PRDM16: variants seen among roughly 807,000 people sequenced by gnomAD.
PRDM16 encodes PR/SET domain 16.
A neutral mutation model predicts 110.6 loss-of-function variants in PRDM16; 23 were observed. The observed-to-expected ratio is 0.21, with a 90% CI of 0.15 to 0.29. PRDM16 has a LOEUF of 0.29. PRDM16 is among the 10% of genes least tolerant of loss of function. The pLI is 1.00. For synonymous variants in PRDM16, 799 were observed against 781.8 expected, an observed-to-expected ratio of 1.02 and a Z score of -0.37; for missense variants, 1,615 against 1,794.3, an observed-to-expected ratio of 0.90 and a Z score of 1.81.
chr1:3,070,013 G>A (rs1641708923), intron 1 of PRDM16, among the ~76,000 whole-genome samples: 1 of 151,934 alleles, frequency 6.6e-6, no homozygotes, highest in African/African-American at 2.4e-5. Flanking sequence ...GTGGTGGAGG[G>A]CGCTCCTCTG....
chr1:3,180,994 ACG>A (rs1644150540), intron 1 of PRDM16, among the ~76,000 whole-genome samples: 6 of 136,912 alleles, frequency 4.4e-5, no homozygotes, highest in East Asian at 4.3e-4. Context: ...AGTCTTACAC[ACG>A]ATCTTACACG....
intron 3 of PRDM16, among the ~76,000 whole-genome samples, chr1:3,272,784 G>T (rs1219515713): frequency 1.3e-5 from 2 of 151,976 alleles, no homozygotes; most frequent in Non-Finnish European, 2.9e-5. Flanking sequence ...AGGTGGGCGA[G>T]GCCGAGCCCA....
intron 2 of PRDM16, among the ~76,000 whole-genome samples, chr1:3,239,293 G>C (rs1639608752): frequency 6.6e-6 from 1 of 152,216 alleles, no homozygotes; most frequent in Non-Finnish European, 1.5e-5. Flanking sequence ...CAGGGGCACT[G>C]TTTAGTTGGG....
chr1:3,170,822 C>G (rs1294373039), intron 1 of PRDM16, among the ~76,000 whole-genome samples: 1 of 152,252 alleles, frequency 6.6e-6, no homozygotes, highest in African/African-American at 2.4e-5. Flanking sequence ...ATGCAAACCC[C>G]CAGTTTTCAT....
At chr1:3,400,175 C>G (rs1643443879) in intron 5 of PRDM16, among the ~76,000 whole-genome samples, 1 of 152,246 alleles carries the variant, frequency 6.6e-6, no homozygotes, top group African/African-American at 2.4e-5. Flanking sequence ...GCCCACTGCT[C>G]CACCTCTTCC....
intron 1 of PRDM16, among the ~76,000 whole-genome samples, chr1:3,104,689 C>G (rs1229983545): frequency 5.5e-5 from 8 of 145,120 alleles, no homozygotes. Context: ...TGGCAGGCCC[C>G]TCTGGGCTAC....
intron 3 of PRDM16, among the ~76,000 whole-genome samples, chr1:3,369,788 G>A (rs61653552): frequency 0.029 from 4,375 of 152,276 alleles, 191 homozygotes; most frequent in African/African-American, 0.096. Context: ...CTATTTGCAG[G>A]GCATCCAAAG....
At chr1:3,181,565 C>CTTACACAT (rs1644190408) in intron 1 of PRDM16, among the ~76,000 whole-genome samples, 1 of 33,930 alleles carries the variant, frequency 2.9e-5, no homozygotes, top group Non-Finnish European at 6.3e-5. Context: ...GTCTTACACA[C>CTTACACAT]GCAGTCTTAC....
intron 1 of PRDM16, among the ~76,000 whole-genome samples, chr1:3,101,859 C>G (rs1004714380): frequency 6.6e-6 from 1 of 152,182 alleles, no homozygotes; most frequent in Non-Finnish European, 1.5e-5. Flanking sequence ...GTTCTTGTCT[C>G]CCCCACCCGG....
At chr1:3,289,150 G>T (rs982910390) in intron 3 of PRDM16, among the ~76,000 whole-genome samples, 1 of 152,214 alleles carries the variant, frequency 6.6e-6, no homozygotes, top group African/African-American at 2.4e-5. Context: ...CAGGGCTCAG[G>T]TGGGAACACC....
chr1:3,197,243 C>T (rs919195590), intron 2 of PRDM16, among the ~76,000 whole-genome samples: 1 of 152,164 alleles, frequency 6.6e-6, no homozygotes, highest in Non-Finnish European at 1.5e-5. Context: ...TGGGTGGACC[C>T]AGGACAAGAG....
rs981777423 is a variant in PRDM16 at position 3,411,718 on chromosome 1, C to G, written c.1521C>G (p.Phe507Leu). The G allele has an allele frequency of 1.9e-6, 3 of 1,611,210 alleles. No homozygotes were observed. Among genetic ancestry groups the G allele is most frequent in the African/African-American group, 2.7e-5 (2 of 74,900 alleles). Residue 507 changes from phenylalanine to leucine, a missense_variant, in exon 9 of 17, where the codon TTC (phenylalanine) becomes TTG (leucine). Transcript: ENST00000270722. ...CCTTCTCCACGGCGCCTCCCACGTTCCCCGCACTCACCCCCGGCTTCCCGG... is the reference window on the plus strand; with the variant it reads ...CCTTCTCCACGGCGCCTCCCACGTTGCCCGCACTCACCCCCGGCTTCCCGG... ...SLPFSTAPPTFPALTPGFPGI... is the reference protein window; with the variant it reads ...SLPFSTAPPTLPALTPGFPGI...
At position 3,237,104 on chromosome 1, in the gene PRDM16, C is replaced by T. The variant is rs971744537; in HGVS notation, c.388-6983C>T. On this transcript the variant is annotated intron_variant, in intron 2 of 16. Transcript: ENST00000270722. ...TGAGGAGGGAGACCCCTTGGGGGCC[C>T]GTGCACACAGGAAGCCACCCTTCCT... 2.6e-5 allele frequency among the ~76,000 whole-genome samples: 4 copies of T among 152,084 alleles called. No individual in the cohort carries two copies. The East Asian group carries it at 5.8e-4, about 22-fold the overall frequency.
intron 1 of PRDM16, among the ~76,000 whole-genome samples, chr1:3,182,270 C>T (rs1177202437): frequency 2.6e-5 from 4 of 152,366 alleles, no homozygotes; most frequent in East Asian, 1.9e-4. Flanking sequence ...GACACAGAGC[C>T]GCTCGGCGCT....
chr1:3,396,181 T>C (rs1163171065), intron 4 of PRDM16: 2 of 444,800 alleles, frequency 4.5e-6, no homozygotes, highest in Non-Finnish European at 8.7e-6. Context: ...GGTGGGCTCT[T>C]GGTGGAAGCG....
At chr1:3,188,066 A>G (rs10752733) in intron 2 of PRDM16, among the ~76,000 whole-genome samples, 122,290 of 152,154 alleles carry the variant, frequency 0.8, 49,806 homozygotes, top group Middle Eastern at 0.87. Context: ...CGAAGACCTC[A>G]GTGGAGACAC....
chr1:3,360,264 A>C lies in PRDM16; in HGVS notation c.439-24888A>C, dbSNP rs1269951133. ...GACCAGTCCCCTCTAGAAGCAGCGG[A>C]GTCTTCTGGAGCCTGTGCTGGCTCT... On this transcript the variant is annotated intron_variant, in intron 3 of 16. Transcript: ENST00000270722. Among the ~76,000 whole-genome samples, 7 of 152,258 alleles carry C rather than the reference A, an allele frequency of 4.6e-5. No individual in the cohort carries two copies. The East Asian group carries it at 1.4e-3, about 29-fold the overall frequency.
At chr1:3,351,644 A>ATC (rs772054159) in intron 3 of PRDM16, among the ~76,000 whole-genome samples, 12 of 1,706 alleles carry the variant, frequency 7.0e-3, no homozygotes, top group East Asian at 0.037. Context: ...CTCTCTCTCC[A>ATC]TCTCTCTCTC....
At chr1:3,391,179 G>C (rs1254527957) in intron 4 of PRDM16, among the ~76,000 whole-genome samples, 1 of 152,116 alleles carries the variant, frequency 6.6e-6, no homozygotes, top group Non-Finnish European at 1.5e-5. Context: ...TTGTTAATTT[G>C]GTTAAGGCAG....
Sources: allele counts gnomAD v4.1 joint callset (sites outside exome capture counted in the v4.1 genomes callset), GRCh38; gene constraint gnomAD v4.1.1; transcripts MANE v1.5; gene names NCBI Gene and HGNC (gene_info 2026-07-23, HGNC 2026-07-21).